The following SPRY2 variants were observed in gnomAD, a reference collection of about 807,000 sequenced individuals.
SPRY2 encodes the protein sprouty RTK signaling antagonist 2, also known as protein sprouty homolog 2.
Under a neutral mutation model 23.4 loss-of-function variants are expected in SPRY2, and 10 were observed. The observed-to-expected ratio is 0.43, with a 90% confidence interval of 0.26 to 0.73. SPRY2 has a LOEUF of 0.73. Ranked by LOEUF, SPRY2 falls within the 30% of genes least tolerant of loss-of-function variation. The pLI, the probability that SPRY2 is intolerant of heterozygous loss-of-function variation, is 0.22. For missense variants in SPRY2, 344 were observed against 396.9 expected (o/e 0.87, Z 1.13); for synonymous variants, 170 against 156.9 (o/e 1.08, Z -0.62).
At position 80,337,633 on chromosome 13, in the gene SPRY2, G is replaced by A; in HGVS notation, c.73C>T (p.Arg25Cys). The change falls in exon 2 of 2, where the codon CGT becomes TGT. Residue 25 changes from arginine (R) to cysteine (C), a missense_variant. Coordinates refer to ENST00000377104, the MANE Select transcript of SPRY2 (RefSeq NM_005842.4). ...LQTPRDGGRQ[R>C]GEPDPRDALT... ...GCGTCTCTGGGGTCGGGCTCCCCAC[G>A]CTGTCTGCCACCGTCACGGGGCGTC... 1 of 1,613,982 alleles carries A rather than the reference G, an allele frequency of 6.2e-7. No homozygotes were observed. Among genetic ancestry groups the A allele is most frequent in the Non-Finnish European group, 8.5e-7 (1 of 1,180,034 alleles).
At position 80,337,163 on chromosome 13, in the gene SPRY2, A is replaced by G; in HGVS notation, c.543T>C (p.Cys181=). 6.2e-7 allele frequency: 1 copy of G among 1,614,078 alleles called. No individual in the cohort carries two copies. Residue 181 remains cysteine, a synonymous_variant, in exon 2 of 2, where the codon TGT becomes TGC. Coordinates refer to ENST00000377104, the MANE Select transcript of SPRY2 (RefSeq NM_005842.4). ...TGCACTCCTTACATTTGCACTTGCC[A>G]CAGTCCTCACACCTGTAGGCGTGCA... ...LGLHAYRCED[C]GKCKCKECTY...
intron 1 of SPRY2, 47 bp from the exon 2 acceptor site, chr13:80,337,803 C>A (rs1480227458): frequency 5.6e-6 from 6 of 1,071,972 alleles, no homozygotes; most frequent in Non-Finnish European, 5.5e-6. Context: ...AAGATACTTC[C>A]CACTCTCCAC....
chr13:80,338,246 G>C (rs563835823), intron 1 of SPRY2, among the ~76,000 whole-genome samples: 20 of 152,258 alleles, frequency 1.3e-4, no homozygotes, highest in Admixed American at 7.2e-4. Flanking sequence ...CTTTAACTGT[G>C]ACGTATACGG....
rs949534804 is a variant in SPRY2, at chr13:80,340,658, A to C, written c.-88T>G. On this transcript the variant is annotated 5_prime_UTR_variant, in exon 1 of 2. Transcript: ENST00000377104. Reference sequence around the variant, plus strand: ...CTTTGCACCAACCCCTCTCCCTTGGATTCTCTTCTTTCTGCGATGTGCAAA... The same window carrying C: ...CTTTGCACCAACCCCTCTCCCTTGGCTTCTCTTCTTTCTGCGATGTGCAAA... The C allele has an allele frequency of 1.3e-5, 2 of 152,346 alleles. No homozygotes were observed. The highest frequency in any genetic ancestry group is 1.5e-5 in the Non-Finnish European group (1 of 68,048). The allele number at this position is 152,346 out of a possible 1,614,324, so 9.4% of individuals were successfully genotyped here.
chr13:80,338,435 A>T (rs905721685), intron 1 of SPRY2, among the ~76,000 whole-genome samples: 1 of 152,226 alleles, frequency 6.6e-6, no homozygotes, highest in African/African-American at 2.4e-5. Flanking sequence ...CTTAACAAGA[A>T]GAAGACATGA....
Position 80,337,496 on chromosome 13 carries a change from A to G in SPRY2, c.210T>C (p.Ala70=). The G allele has an allele frequency of 1.2e-6, 2 of 1,614,086 alleles. No individual in the cohort carries two copies. The highest frequency in any genetic ancestry group is 1.7e-6 in the Non-Finnish European group (2 of 1,180,024). Residue 70 remains alanine, a synonymous_variant, in exon 2 of 2, where the codon GCT becomes GCC. Transcript: ENST00000377104. ...TVVPRPGLKP[A]PRPSTQHKHE... is the part of the protein sequence containing the mutation. The stretch of plus-strand genomic sequence containing the variant: ...GTTTGTGCTGAGTGGAGGGGCGAGG[A>G]GCAGGCTTGAGCCCAGGTCTTGGGA...
In SPRY2 at chr13:80,341,079, C is replaced by A; in HGVS notation, c.-509G>T. 1 of 149,936 alleles carries A rather than the reference C, an allele frequency of 6.7e-6. No homozygotes were observed. The highest frequency in any genetic ancestry group is 1.8e-4 in the South Asian group (1 of 5,562). The allele number at this position is 149,936 out of a possible 1,614,324, so 9.3% of individuals were successfully genotyped here. A position where few individuals can be genotyped will look rare whatever the true frequency, so the allele number is the denominator to read the frequency against. ...CTGGGCGCTGCGCGCTCCGCCGGCC[C>A]CTCTCCTCCGCTAGCGCTGCGGCGC... On this transcript the variant is annotated 5_prime_UTR_variant, in exon 1 of 2. Transcript: ENST00000377104.
chr13:80,338,343 T>G (rs940911528), intron 1 of SPRY2, among the ~76,000 whole-genome samples: 2 of 152,248 alleles, frequency 1.3e-5, no homozygotes, highest in African/African-American at 4.8e-5. Flanking sequence ...ATGCCATTTT[T>G]TATTAATTGT....
chr13:80,337,827 C>G, intron 1 of SPRY2, 71 bp from the exon 2 acceptor site: 1 of 856,430 alleles, frequency 1.2e-6, no homozygotes, highest in East Asian at 2.7e-5. Flanking sequence ...CCTGAATTGA[C>G]TCCTCACTTC....
At position 80,337,179 on chromosome 13, in the gene SPRY2, T is replaced by C; in HGVS notation, c.527A>G (p.Tyr176Cys). ...GCACTTGCCACAGTCCTCACACCTG[T>C]AGGCGTGCAGGCCCAAATCTTCCTT... is the stretch of plus-strand genomic sequence containing the variant. The part of the protein sequence containing the change: ...LSKEDLGLHA[Y>C]RCEDCGKCKC... Residue 176 changes from tyrosine to cysteine, a missense_variant, in exon 2 of 2, where the codon TAC becomes TGC. By Grantham distance (194) the Tyr-to-Cys change is radical. Transcript: ENST00000377104. The C allele has an allele frequency of 1.2e-6, 2 of 1,613,114 alleles. No homozygotes were observed. Among genetic ancestry groups the C allele is most frequent in the Non-Finnish European group, 1.7e-6 (2 of 1,179,088 alleles).
At position 80,341,075 on chromosome 13, in the gene SPRY2, G is replaced by A. The variant is rs1880499671; in HGVS notation, c.-505C>T. The A allele has an allele frequency of 6.7e-6, 1 of 149,702 alleles. No individual in the cohort carries two copies. The highest frequency in any genetic ancestry group is 6.7e-5 in the Admixed American group (1 of 14,956). 9.3% of individuals were successfully genotyped at this position (149,702 alleles called of 1,614,324 possible). On this transcript the variant is annotated 5_prime_UTR_variant, in exon 1 of 2. Coordinates refer to ENST00000377104, the MANE Select transcript of SPRY2 (RefSeq NM_005842.4). ...GGGCCTGGGCGCTGCGCGCTCCGCC[G>A]GCCCCTCTCCTCCGCTAGCGCTGCG...
At chr13:80,339,415 A>G (rs1880421837) in intron 1 of SPRY2, 1 of 152,160 alleles carries the variant, frequency 6.6e-6, no homozygotes. Flanking sequence ...AAGTGAAAGA[A>G]AAATGGCTTT....
At position 80,337,371 on chromosome 13, in the gene SPRY2, C is replaced by G. The variant is rs754705712; in HGVS notation, c.335G>C (p.Ser112Thr). ...SARAPLSRSI[S>T]TVSSGSRSST... ...GCTCCGCGACCCTGAGCTGACCGTG[C>G]TTATGGATCTGGACAGAGGGGCTCG... The change falls in exon 2 of 2, where the codon AGC (serine) becomes ACC (threonine). Residue 112 changes from serine (S) to threonine (T), a missense_variant. Transcript: ENST00000377104. 6.2e-7 allele frequency: 1 copy of G among 1,614,134 alleles called. No homozygotes were observed. Among genetic ancestry groups the G allele is most frequent in the Non-Finnish European group, 8.5e-7 (1 of 1,180,030 alleles).
chr13:80,339,661 C>T (rs1484139197), intron 1 of SPRY2: 1 of 152,240 alleles, frequency 6.6e-6, no homozygotes, highest in Middle Eastern at 3.4e-3. Flanking sequence ...AGTCCCCCCT[C>T]CCCTTTGAAA....
Position 80,337,309 on chromosome 13 carries a change from G to C in SPRY2, c.397C>G (p.Gln133Glu), listed in dbSNP as rs772768746. The change falls in exon 2 of 2, where the codon CAG (glutamine) becomes GAG (glutamate). Residue 133 changes from glutamine (Q) to glutamate (E), a missense_variant. By Grantham distance (29) the Gln-to-Glu change is conservative (BLOSUM62 2). Transcript: ENST00000377104. ...GAGAAGGATGATCCTAGCAGTCTCTGTTCAGAGGAGCTGCTGCTGGTACTT... is the reference window on the plus strand; with the variant it reads ...GAGAAGGATGATCCTAGCAGTCTCTCTTCAGAGGAGCTGCTGCTGGTACTT... ...RTSTSSSSSE[Q>E]RLLGSSFSSG... 3.5e-5 allele frequency: 57 copies of C among 1,614,070 alleles called. No homozygotes were observed. The highest frequency in any genetic ancestry group is 4.7e-5 in the Non-Finnish European group (56 of 1,180,058).
chr13:80,337,092 C>T lies in SPRY2; in HGVS notation c.614G>A (p.Cys205Tyr). The part of the protein sequence containing the change: ...LPSDWICDKQ[C>Y]LCSAQNVIDY... ...AATCACGTTCTGGGCCGAGCAAAGGCACTGCTTGTCGCAGATCCAGTCTGA... is the reference window on the plus strand; with the variant it reads ...AATCACGTTCTGGGCCGAGCAAAGGTACTGCTTGTCGCAGATCCAGTCTGA... The change falls in exon 2 of 2, where the codon TGC (cysteine) becomes TAC (tyrosine). Residue 205 changes from cysteine (C) to tyrosine (Y), a missense_variant. By Grantham distance (194) the Cys-to-Tyr change is radical (BLOSUM62 -2). Coordinates refer to ENST00000377104, the MANE Select transcript of SPRY2 (RefSeq NM_005842.4). 6.2e-7 allele frequency: 1 copy of T among 1,614,262 alleles called. No individual in the cohort carries two copies.
Position 80,337,269 on chromosome 13 carries a change from GCAA to G in SPRY2, c.434_436del (p.Val145del). The G allele has an allele frequency of 6.2e-7, 1 of 1,613,010 alleles. No individual in the cohort carries two copies. The highest frequency in any genetic ancestry group is 8.5e-7 in the Non-Finnish European group (1 of 1,179,026). ...GGGTTGCACCCGGATTATGCCATCA[GCAA>G]CAGGCCCGGAGGAGAAGGATGATCC... is the stretch of plus-strand genomic sequence containing the variant. On this transcript the variant is annotated inframe_deletion, in exon 2 of 2. Transcript: ENST00000377104.
rs1443658260 is a variant in SPRY2 at position 80,336,609 on chromosome 13, T to C, written c.*149A>G. Reference sequence around the variant, plus strand: ...CAAGCATATCAGTTAAAACGGCACATGGACAAAAAGCATTTCACCGCAAAC... The same window carrying C: ...CAAGCATATCAGTTAAAACGGCACACGGACAAAAAGCATTTCACCGCAAAC... On this transcript the variant is annotated 3_prime_UTR_variant, in exon 2 of 2. Coordinates refer to ENST00000377104, the MANE Select transcript of SPRY2 (RefSeq NM_005842.4). 2 of 858,794 alleles carry C rather than the reference T, an allele frequency of 2.3e-6. No homozygotes were observed. Among genetic ancestry groups the C allele is most frequent in the Non-Finnish European group, 3.7e-6 (2 of 538,932 alleles). 53.2% of individuals were successfully genotyped at this position (858,794 alleles called of 1,614,324 possible).
rs1434188477 is a variant in SPRY2, at chr13:80,336,484, A to C, written c.*274T>G. 2 of 505,882 alleles carry C rather than the reference A, an allele frequency of 4.0e-6. No individual in the cohort carries two copies. Among genetic ancestry groups the C allele is most frequent in the Non-Finnish European group, 7.1e-6 (2 of 281,686 alleles). 31.3% of individuals were successfully genotyped at this position (505,882 alleles called of 1,614,324 possible). On this transcript the variant is annotated 3_prime_UTR_variant, in exon 2 of 2. Transcript: ENST00000377104. ...GTTTTGCAAGTACTATTCACAAACAAAAACTTTGCCTAGGAGTGTCTGTGT... is the reference window on the plus strand; with the variant it reads ...GTTTTGCAAGTACTATTCACAAACACAAACTTTGCCTAGGAGTGTCTGTGT...
Sources: gnomAD v4.1 joint callset for allele counts (sites outside exome capture counted in the v4.1 genomes callset) on GRCh38, gnomAD v4.1.1 for gene constraint, MANE v1.5 for transcripts, NCBI Gene and HGNC (gene_info 2026-07-23, HGNC 2026-07-21) for gene names.